CFAP61: variants seen among roughly 807,000 people sequenced by gnomAD.
CFAP61 encodes cilia- and flagella-associated protein 61.
CFAP61 carries 107 observed loss-of-function variants against 135.6 expected under a neutral mutation model. The observed-to-expected ratio is 0.79, with a 90% CI of 0.67 to 0.93. The LOEUF is 0.93. CFAP61 is among the 40% of genes least tolerant of loss of function. The pLI is 0.00. For missense variants in CFAP61, 1,507 were observed against 1,556.2 expected, an observed-to-expected ratio of 0.97 and a Z score of 0.53; for synonymous variants, 575 against 578.5, an observed-to-expected ratio of 0.99 and a Z score of 0.09.
chr20:20,099,388 G>C (rs1487964372), intron 8 of CFAP61, among the ~76,000 whole-genome samples: 1 of 152,106 alleles, frequency 6.6e-6, no homozygotes, highest in African/African-American at 2.4e-5. Flanking sequence ...CGTTCAATTA[G>C]GTAACCTCAA....
At position 20,288,764 on chromosome 20, in the gene CFAP61, C is replaced by T; in HGVS notation, c.2952C>T (p.Ser984=). The change falls in exon 23 of 27, where the codon TCC becomes TCT. Residue 984 remains serine (S), a synonymous_variant. Coordinates refer to ENST00000245957, the MANE Select transcript of CFAP61 (RefSeq NM_015585.4). The stretch of plus-strand genomic sequence containing the variant: ...CTGCTGGCTCCCTCACCAAATTCTC[C>T]AATAGATACTACTCAAATGAGTGGA... ...IRAAGSLTKF[S]NRYYSNEWTH... The T allele has an allele frequency of 6.2e-7, 1 of 1,614,170 alleles. No individual in the cohort carries two copies. Among genetic ancestry groups the T allele is most frequent in the Non-Finnish European group, 8.5e-7 (1 of 1,180,018 alleles).
At chr20:20,131,523 C>G (rs140485493) in intron 8 of CFAP61, among the ~76,000 whole-genome samples, 207 of 151,986 alleles carry the variant, frequency 1.4e-3, no homozygotes, top group African/African-American at 4.8e-3. Context: ...TGTTCATTTT[C>G]TCTTCTTAAA....
chr20:20,314,347 A>G (rs917345642), intron 25 of CFAP61, among the ~76,000 whole-genome samples: 7 of 148,550 alleles, frequency 4.7e-5, no homozygotes, highest in Non-Finnish European at 7.4e-5. Context: ...CCAAGATTGC[A>G]CCACTGCACT....
Position 20,159,380 on chromosome 20 carries a change from C to T in CFAP61, c.962C>T (p.Ala321Val), listed in dbSNP as rs762364920. The T allele has an allele frequency of 1.9e-6, 3 of 1,613,690 alleles. No homozygotes were observed. The highest frequency in any genetic ancestry group is 2.2e-5 in the South Asian group (2 of 91,066). Residue 321 changes from alanine (A) to valine (V), a missense_variant, in exon 10 of 27, where the codon GCC (alanine) becomes GTC (valine). Coordinates refer to ENST00000245957, the MANE Select transcript of CFAP61 (RefSeq NM_015585.4). ...TGTCATCATTTCCAGGGAAATATTG[C>T]CAGAGAAGCTGCATCCGAGGAAGCT... ...DTMENIQGNI[A>V]REAASEEALT... is the part of the protein sequence containing the mutation.
At chr20:20,223,368 C>A (rs1020484642) in intron 17 of CFAP61, among the ~76,000 whole-genome samples, 3 of 152,136 alleles carry the variant, frequency 2.0e-5, no homozygotes, top group Non-Finnish European at 4.4e-5. Flanking sequence ...CAAGCCTAAA[C>A]CTTGCCACCA....
chr20:20,199,700 G>A (rs2056505478), intron 16 of CFAP61, 68 bp from the exon 17 acceptor site: 4 of 1,563,882 alleles, frequency 2.6e-6, no homozygotes, highest in Non-Finnish European at 3.5e-6. Context: ...TTGTAAAGCT[G>A]TACGCAGACA....
intron 15 of CFAP61, among the ~76,000 whole-genome samples, chr20:20,193,717 G>A (rs1165697827): frequency 2.0e-5 from 3 of 152,090 alleles, no homozygotes; most frequent in East Asian, 1.9e-4. Flanking sequence ...GGGTTCAAGC[G>A]ATTCTCCTGC....
Position 20,142,780 on chromosome 20 carries a change from C to T in CFAP61, c.860-77C>T. 1.5e-5 allele frequency: 12 copies of T among 805,446 alleles called. No homozygotes were observed. The Admixed American group carries it at 2.3e-4, about 16-fold the overall frequency. 49.9% of individuals were successfully genotyped at this position (805,446 alleles called of 1,614,324 possible). The stretch of plus-strand genomic sequence containing the variant: ...CCATTGTAGTCTAAAACCATGTGAC[C>T]ATGCTGTCTAATTTCCTGTGATTCT... On this transcript the variant is annotated intron_variant, in intron 8 of 26. Coordinates refer to ENST00000245957, the MANE Select transcript of CFAP61 (RefSeq NM_015585.4).
chr20:20,360,102 C>T (rs1602207727), intron 26 of CFAP61, 108 bp from the exon 27 acceptor site: 1 of 790,148 alleles, frequency 1.3e-6, no homozygotes, highest in Non-Finnish European at 2.1e-6. Flanking sequence ...AAAAAAATGA[C>T]CATCCTTGCA....
intron 25 of CFAP61, among the ~76,000 whole-genome samples, chr20:20,309,098 C>G (rs1311805611): frequency 2.6e-5 from 4 of 152,170 alleles, no homozygotes; most frequent in African/African-American, 9.7e-5. Context: ...CTAACAATTG[C>G]AAAGAGACGC....
intron 8 of CFAP61, among the ~76,000 whole-genome samples, chr20:20,115,761 A>G (rs1244244859): frequency 6.6e-6 from 1 of 152,150 alleles, no homozygotes; most frequent in Non-Finnish European, 1.5e-5. Context: ...GTTGTTGCAA[A>G]TGACAGGATT....
At chr20:20,106,310 G>A (rs2048403939) in intron 8 of CFAP61, among the ~76,000 whole-genome samples, 1 of 152,028 alleles carries the variant, frequency 6.6e-6, no homozygotes, top group African/African-American at 2.4e-5. Flanking sequence ...CATAAAACCT[G>A]TTGTCAATTC....
rs187248219 is a variant in CFAP61, at chr20:20,199,930, G to C, written c.1932+28G>C. The C allele has an allele frequency of 4.0e-3, 6,469 of 1,611,410 alleles. 20 individuals are homozygous for C. Among genetic ancestry groups the C allele is most frequent in the Non-Finnish European group, 5.0e-3 (5,943 of 1,179,056 alleles). On this transcript the variant is annotated intron_variant, in intron 17 of 26. Coordinates refer to ENST00000245957, the MANE Select transcript of CFAP61 (RefSeq NM_015585.4). The stretch of plus-strand genomic sequence containing the variant: ...GGGTAGCAGGGCGGCAGGCAGGGCG[G>C]CGCGGTGCCAGCTCCCGCGGGCCTG...
At chr20:20,325,407 C>A (rs1056454320) in intron 25 of CFAP61, among the ~76,000 whole-genome samples, 2 of 152,210 alleles carry the variant, frequency 1.3e-5, no homozygotes, top group Admixed American at 6.5e-5. Flanking sequence ...CTGCCTCCCC[C>A]ACAAGCTTCT....
chr20:20,064,837 C>T (rs935320705), intron 2 of CFAP61, among the ~76,000 whole-genome samples: 3 of 152,056 alleles, frequency 2.0e-5, no homozygotes, highest in Admixed American at 1.3e-4. Flanking sequence ...GATTATTTGT[C>T]AAGCTTAATG....
At chr20:20,309,822 A>G (rs1352308708) in intron 25 of CFAP61, among the ~76,000 whole-genome samples, 1 of 112,160 alleles carries the variant, frequency 8.9e-6, no homozygotes, top group Non-Finnish European at 1.9e-5. Context: ...ACTTCTGTTT[A>G]TAATTTTATC....
chr20:20,225,678 T>C (rs902638177), intron 17 of CFAP61: 4 of 152,206 alleles, frequency 2.6e-5, no homozygotes, highest in Non-Finnish European at 5.9e-5. Context: ...TCTGAACATA[T>C]CTCCTTTTGA....
At chr20:20,334,941 ACTAGAAATACTTAC>A (rs1376121690) in intron 25 of CFAP61, among the ~76,000 whole-genome samples, 1 of 152,182 alleles carries the variant, frequency 6.6e-6, no homozygotes, top group African/African-American at 2.4e-5. Flanking sequence ...CCCAGGAATA[ACTAGAAATACTTAC>A]TTGTTCCTAT....
chr20:20,250,901 G>A (rs555142912), intron 19 of CFAP61, among the ~76,000 whole-genome samples: 1 of 152,194 alleles, frequency 6.6e-6, no homozygotes, highest in African/African-American at 2.4e-5. Context: ...GCCACAGCAC[G>A]CTGAAGCCAT....
Sources: allele counts gnomAD v4.1 joint callset (sites outside exome capture counted in the v4.1 genomes callset), GRCh38; gene constraint gnomAD v4.1.1; transcripts MANE v1.5; gene names NCBI Gene and HGNC (gene_info 2026-07-23, HGNC 2026-07-21).